The following ZNF469 variants were observed in gnomAD, a reference collection of about 807,000 sequenced individuals.
ZNF469 encodes the protein zinc finger protein 469.
In ZNF469, 1 loss-of-function variant was observed where a neutral mutation model predicts 1.0. The observed-to-expected ratio is 1.00, with a 90% CI of 0.35 to 4.73. The LOEUF is 4.73. Among genes scored for constraint, ZNF469 ranks in the 30% most tolerant of loss-of-function variants. ZNF469 has a pLI of 0.16. For missense variants in ZNF469, 6,100 were observed against 5,356.3 expected (o/e 1.14, Z -4.33); for synonymous variants, 2,703 against 2,363.4 (o/e 1.14, Z -4.17).
the ZNF469 span, among the ~76,000 whole-genome samples, chr16:88,346,790 A>C: frequency 6.6e-6 from 1 of 152,304 alleles, no homozygotes; most frequent in South Asian, 2.1e-4. Flanking sequence ...TGTGCGTCCC[A>C]AGCTGCTCAG....
chr16:88,422,702 C>G, intron 1 of ZNF469, among the ~76,000 whole-genome samples: 1 of 119,586 alleles, frequency 8.4e-6, no homozygotes, highest in African/African-American at 3.4e-5. Context: ...GTGGGTGATA[C>G]ATGAGTGGGT....
the ZNF469 span, among the ~76,000 whole-genome samples, chr16:88,225,901 A>G: frequency 3.1e-4 from 47 of 152,248 alleles, 1 homozygote; most frequent in East Asian, 8.1e-3. Context: ...TGTATGTACT[A>G]AGACAGCCTC....
chr16:88,351,789 G>A, the ZNF469 span, among the ~76,000 whole-genome samples: 7 of 151,922 alleles, frequency 4.6e-5, no homozygotes, highest in Non-Finnish European at 5.9e-5. Flanking sequence ...GCCGGGCCAC[G>A]CTTTGCCACC....
the ZNF469 span, among the ~76,000 whole-genome samples, chr16:88,197,044 G>T: frequency 1.3e-5 from 2 of 152,214 alleles, no homozygotes; most frequent in Non-Finnish European, 2.9e-5. Flanking sequence ...TCGTCCATCA[G>T]TGTTGGTCAC....
chr16:88,405,801 C>T (rs539618128), intron 1 of ZNF469, among the ~76,000 whole-genome samples: 57 of 152,238 alleles, frequency 3.7e-4, no homozygotes, highest in Non-Finnish European at 7.2e-4. Context: ...CTGCCCAGCC[C>T]GCCCCACGGC....
At chr16:88,288,459 T>A in the ZNF469 span, among the ~76,000 whole-genome samples, 1 of 152,196 alleles carries the variant, frequency 6.6e-6, no homozygotes, top group Non-Finnish European at 1.5e-5. Flanking sequence ...CATCCACCTA[T>A]CCAAATCTAT....
chr16:88,274,467 C>T, the ZNF469 span, among the ~76,000 whole-genome samples: 2 of 152,346 alleles, frequency 1.3e-5, no homozygotes, highest in Admixed American at 1.3e-4. Context: ...CATGGTGTTG[C>T]ATGAAGTCAC....
chr16:88,209,904 T>C, the ZNF469 span, among the ~76,000 whole-genome samples: 2 of 152,242 alleles, frequency 1.3e-5, no homozygotes, highest in Admixed American at 6.5e-5. Flanking sequence ...TGCATTTTCA[T>C]ACTGTTGTAA....
chr16:88,155,940 G>A, the ZNF469 span, among the ~76,000 whole-genome samples: 1 of 152,178 alleles, frequency 6.6e-6, no homozygotes, highest in African/African-American at 2.4e-5. Flanking sequence ...TCTTACAGCC[G>A]TGCTTATAGG....
the ZNF469 span, among the ~76,000 whole-genome samples, chr16:88,282,296 C>G: frequency 6.6e-6 from 1 of 152,168 alleles, no homozygotes; most frequent in South Asian, 2.1e-4. Context: ...GGCCTGTGTT[C>G]TCACTGTGTT....
chr16:88,374,091 G>A, the ZNF469 span, among the ~76,000 whole-genome samples: 18,865 of 152,070 alleles, frequency 0.12, 1,258 homozygotes, highest in Middle Eastern at 0.21. Flanking sequence ...GAATGAAAGA[G>A]CAGACTCAGC....
chr16:88,259,964 A>AC, the ZNF469 span, among the ~76,000 whole-genome samples: 4 of 151,944 alleles, frequency 2.6e-5, no homozygotes, highest in African/African-American at 7.2e-5. The surrounding 1 kb of genome is among the most constrained non-coding windows in gnomAD (Gnocchi z 4.1). Flanking sequence ...ATAAAAAGTC[A>AC]CTTTTTTTTT....
the ZNF469 span, among the ~76,000 whole-genome samples, chr16:88,177,077 G>A: frequency 6.6e-6 from 1 of 152,322 alleles, no homozygotes. This position sits in a 1 kb window ranked among gnomAD's most constrained non-coding sequence, Gnocchi z 4.8. Context: ...AGGTGATAAT[G>A]TTTGACTGAC....
rs1391745308 is a variant in ZNF469, at chr16:88,440,675, C to G, written c.*1343C>G. ...CCTCCGGAGTGTCGCAAACCAAGTG[C>G]GGAGGGGCCCTGAGGTTGTACTGTA... On this transcript the variant is annotated 3_prime_UTR_variant, in exon 3 of 3. Coordinates refer to ENST00000565624, the MANE Select transcript of ZNF469 (RefSeq NM_001367624.2). 1 of 152,140 alleles carries G rather than the reference C, an allele frequency of 6.6e-6. No individual in the cohort carries two copies. The highest frequency in any genetic ancestry group is 2.1e-4 in the South Asian group (1 of 4,816). 9.4% of individuals were successfully genotyped at this position (152,140 alleles called of 1,614,324 possible).
chr16:88,112,095 G>A, the ZNF469 span, among the ~76,000 whole-genome samples: 1 of 152,140 alleles, frequency 6.6e-6, no homozygotes, highest in Non-Finnish European at 1.5e-5. Flanking sequence ...CTATTGATAG[G>A]CACTTAGGTT....
chr16:88,204,800 G>A, the ZNF469 span, among the ~76,000 whole-genome samples: 2 of 152,170 alleles, frequency 1.3e-5, no homozygotes, highest in Non-Finnish European at 2.9e-5. Context: ...ATTTGCTGCC[G>A]AGAAGTCTGC....
At chr16:88,268,894 TC>T in the ZNF469 span, among the ~76,000 whole-genome samples, 8 of 152,108 alleles carry the variant, frequency 5.3e-5, no homozygotes, top group African/African-American at 1.9e-4. Flanking sequence ...TCTGTGAGCC[TC>T]CCCTGAAGAG....
chr16:88,304,510 C>T, the ZNF469 span, among the ~76,000 whole-genome samples: 2 of 152,130 alleles, frequency 1.3e-5, no homozygotes, highest in African/African-American at 4.8e-5. Flanking sequence ...GTGACAGACT[C>T]ACCCAGTCGC....
At chr16:88,189,162 A>G in the ZNF469 span, among the ~76,000 whole-genome samples, 1 of 152,242 alleles carries the variant, frequency 6.6e-6, no homozygotes. This position sits in a 1 kb window ranked among gnomAD's most constrained non-coding sequence, Gnocchi z 4.3. Flanking sequence ...CACTGACTCA[A>G]TTATACCTCT....
Sources: gnomAD v4.1 joint callset for allele counts (sites outside exome capture counted in the v4.1 genomes callset) on GRCh38, gnomAD v4.1.1 for gene constraint, Gnocchi (gnomAD v3.1) non-coding constraint, MANE v1.5 for transcripts, NCBI Gene and HGNC (gene_info 2026-07-23, HGNC 2026-07-21) for gene names.